SLC20A2: variants seen among roughly 807,000 people sequenced by gnomAD.
The protein encoded by SLC20A2 is solute carrier family 20 member 2.
SLC20A2 carries 30 observed loss-of-function variants against 61.0 expected under a neutral mutation model. That is an observed-to-expected ratio of 0.49 (90% CI 0.37 to 0.67). SLC20A2 has a LOEUF of 0.67. SLC20A2 is among the 30% of genes least tolerant of loss of function. The pLI is 0.00. For missense variants in SLC20A2, 626 were observed against 866.4 expected (o/e 0.72, Z 3.48); for synonymous variants, 351 against 353.3 (o/e 0.99, Z 0.07).
chr8:42,472,613 C>T lies in SLC20A2; in HGVS notation c.-223G>A. 1 of 497,048 alleles carries T rather than the reference C, an allele frequency of 2.0e-6. No homozygotes were observed. The highest frequency in any genetic ancestry group is 3.6e-6 in the Non-Finnish European group (1 of 278,874). The allele number at this position is 497,048 out of a possible 1,614,324, so 30.8% of individuals were successfully genotyped here. A position where few individuals can be genotyped will look rare whatever the true frequency, so the allele number is the denominator to read the frequency against. ...GTTCAGTCAGCGGTAAAACACATTCCATATTTTTCCTCCCGATCTGGGAAA... is the reference window on the plus strand; with the variant it reads ...GTTCAGTCAGCGGTAAAACACATTCTATATTTTTCCTCCCGATCTGGGAAA... On this transcript the variant is annotated 5_prime_UTR_variant, in exon 2 of 11. An upstream start codon of the reference 5' UTR is lost. Transcript: ENST00000520262. The surrounding 1 kb of genome is among the most constrained non-coding windows in gnomAD (Gnocchi z 4.1).
At chr8:42,462,448 AAAG>A (rs1806787370) in intron 4 of SLC20A2, among the ~76,000 whole-genome samples, 1 of 152,182 alleles carries the variant, frequency 6.6e-6, no homozygotes, top group Non-Finnish European at 1.5e-5. Flanking sequence ...CTGCCAAACA[AAAG>A]AAGATAGCCA....
At chr8:42,432,009 T>C (rs977693126) in intron 8 of SLC20A2, among the ~76,000 whole-genome samples, 1 of 152,264 alleles carries the variant, frequency 6.6e-6, no homozygotes, top group African/African-American at 2.4e-5. Context: ...ACAGCATCTG[T>C]TCTGCAGCCC....
chr8:42,444,040 G>A (rs1330863639), intron 6 of SLC20A2, among the ~76,000 whole-genome samples: 2 of 152,148 alleles, frequency 1.3e-5, no homozygotes, highest in East Asian at 3.8e-4. Context: ...TTTGCCTGCT[G>A]ACCAACACAT....
At chr8:42,461,356 G>C (rs745673379) in intron 4 of SLC20A2, among the ~76,000 whole-genome samples, 1 of 152,148 alleles carries the variant, frequency 6.6e-6, no homozygotes, top group African/African-American at 2.4e-5. Flanking sequence ...GTTTTCTTAG[G>C]GACATTGCTA....
intron 5 of SLC20A2, among the ~76,000 whole-genome samples, chr8:42,455,239 AAAAT>A (rs1408533614): frequency 5.1e-5 from 5 of 97,284 alleles, no homozygotes; most frequent in South Asian, 6.0e-4. Context: ...AAAAAAAAAA[AAAAT>A]ATATATATAT....
At chr8:42,531,854 T>C (rs1812346693) in intron 1 of SLC20A2, among the ~76,000 whole-genome samples, 1 of 151,186 alleles carries the variant, frequency 6.6e-6, no homozygotes, top group Non-Finnish European at 1.5e-5. Flanking sequence ...AGAGTCTCGC[T>C]GTCACCCAGG....
rs545745665 is a variant in SLC20A2, at chr8:42,526,409, C to G, written c.-265+15412G>C. Among the ~76,000 whole-genome samples, 27 of 151,266 alleles carry G rather than the reference C, an allele frequency of 1.8e-4. No homozygotes were observed. The East Asian group carries it at 2.3e-3, about 13-fold the overall frequency. On this transcript the variant is annotated intron_variant, in intron 1 of 10. Coordinates refer to the SLC20A2 transcript ENST00000342228. ...TCACAGCCGGCTGGGTGTGGTGGCT[C>G]ACGCCTGTAATCCCAGGACTTTGGG...
chr8:42,436,786 C>G (rs903417380), intron 8 of SLC20A2, among the ~76,000 whole-genome samples: 1 of 152,244 alleles, frequency 6.6e-6, no homozygotes, highest in Non-Finnish European at 1.5e-5. Context: ...TGCCCTGTGT[C>G]TATCTACCTT....
chr8:42,516,125 C>T (rs181755971), intron 1 of SLC20A2, among the ~76,000 whole-genome samples: 1 of 152,294 alleles, frequency 6.6e-6, no homozygotes, highest in Admixed American at 6.5e-5. Context: ...TCTAAAGTAA[C>T]CAAAATGAAA....
At chr8:42,452,128 G>C (rs1287211024) in intron 5 of SLC20A2, among the ~76,000 whole-genome samples, 2 of 144,792 alleles carry the variant, frequency 1.4e-5, no homozygotes, top group Non-Finnish European at 3.0e-5. Context: ...AGATGGAGGA[G>C]GAAGAGGAAG....
At chr8:42,443,152 ATACAG>A (rs940734205) in intron 6 of SLC20A2, among the ~76,000 whole-genome samples, 11 of 148,316 alleles carry the variant, frequency 7.4e-5, no homozygotes, top group African/African-American at 2.5e-4. Flanking sequence ...TTATAGTACT[ATACAG>A]TAGAGTACTA....
At chr8:42,530,890 T>C (rs1166916153) in intron 1 of SLC20A2, among the ~76,000 whole-genome samples, 1 of 152,122 alleles carries the variant, frequency 6.6e-6, no homozygotes, top group Non-Finnish European at 1.5e-5. Flanking sequence ...TAATTTTCTT[T>C]GTATTTTTTA....
At chr8:42,505,179 G>C (rs894682631), upstream of SLC20A2, among the ~76,000 whole-genome samples, 1 of 151,256 alleles carries the variant, frequency 6.6e-6, no homozygotes, top group Non-Finnish European at 1.5e-5. Flanking sequence ...CACAATCTTG[G>C]TTCACTGCAA....
At chr8:42,531,266 G>C (rs1436700205) in intron 1 of SLC20A2, among the ~76,000 whole-genome samples, 2 of 152,082 alleles carry the variant, frequency 1.3e-5, no homozygotes, top group African/African-American at 4.8e-5. Flanking sequence ...TAACTGCTCA[G>C]GGATGGTGAA....
Position 42,527,201 on chromosome 8 carries a change from C to T in SLC20A2, c.-265+14620G>A, listed in dbSNP as rs555753562. On this transcript the variant is annotated intron_variant, in intron 1 of 10. Coordinates refer to the SLC20A2 transcript ENST00000342228. ...CGGGCAGATCACCAGGTCAGGAGTG[C>T]GAGACCAGGCTTACCAACATGGTGA... Among the ~76,000 whole-genome samples the T allele has an allele frequency of 8.0e-5, 12 of 150,546 alleles. No individual in the cohort carries two copies. The East Asian group carries it at 2.2e-3, about 27-fold the overall frequency.
intron 10 of SLC20A2, among the ~76,000 whole-genome samples, chr8:42,426,023 G>A (rs1424728497): frequency 6.6e-6 from 1 of 151,798 alleles, no homozygotes; most frequent in Non-Finnish European, 1.5e-5. Context: ...GTGACAGAGC[G>A]AGACTCCATC....
At position 42,417,567 on chromosome 8, in the gene SLC20A2, C is replaced by T; in HGVS notation, c.*236G>A. The T allele has an allele frequency of 2.8e-6, 1 of 358,026 alleles. No homozygotes were observed. The highest frequency in any genetic ancestry group is 5.1e-6 in the Non-Finnish European group (1 of 194,238). The allele number at this position is 358,026 out of a possible 1,614,324, so 22.2% of individuals were successfully genotyped here. Reference sequence around the variant, plus strand: ...TAAGTAACTGCACCACATTATATCACCACGATACCAGTTTAATACATATTA... The same window carrying T: ...TAAGTAACTGCACCACATTATATCATCACGATACCAGTTTAATACATATTA... On this transcript the variant is annotated 3_prime_UTR_variant, in exon 11 of 11. Transcript: ENST00000520262.
chr8:42,521,495 T>A lies in SLC20A2; in HGVS notation c.-265+20326A>T, dbSNP rs1811621173. Among the ~76,000 whole-genome samples, 2 of 119,962 alleles carry A rather than the reference T, an allele frequency of 1.7e-5. 1 individual carries two copies. The highest frequency in any genetic ancestry group is 5.1e-5 in the African/African-American group (2 of 39,220). The allele number at this position is 119,962 out of a possible 152,430, so 78.7% of individuals were successfully genotyped here. A position where few individuals can be genotyped will look rare whatever the true frequency, so the allele number is the denominator to read the frequency against. On this transcript the variant is annotated intron_variant, in intron 1 of 10. Transcript: ENST00000342228. ...TTGGGGTGATGAATCGATCCTGTAT[T>A]TTTTTTCTTCTTGAGACAGGGTCTC...
At chr8:42,536,942 G>A (rs1812741929) in intron 1 of SLC20A2, among the ~76,000 whole-genome samples, 1 of 152,038 alleles carries the variant, frequency 6.6e-6, no homozygotes, top group African/African-American at 2.4e-5. Flanking sequence ...GGGCGTAGTG[G>A]CAAGCACCTG....
Sources: allele counts gnomAD v4.1 joint callset (sites outside exome capture counted in the v4.1 genomes callset), GRCh38; gene constraint gnomAD v4.1.1; non-coding constraint Gnocchi (gnomAD v3.1); transcripts MANE v1.5; gene names NCBI Gene and HGNC (gene_info 2026-07-23, HGNC 2026-07-21).